Variants in TCP11L2 observed in about 807,000 individuals in gnomAD.
TCP11L2 encodes the protein T-complex protein 11-like protein 2.
TCP11L2 carries 39 observed loss-of-function variants against 50.7 expected under a neutral mutation model. That is an observed-to-expected ratio of 0.77 (90% CI 0.60 to 1.01). The LOEUF (loss-of-function observed/expected upper bound fraction) is 1.01. Among genes scored for constraint, TCP11L2 ranks in the 50% least tolerant of loss-of-function variants. The pLI, the probability that TCP11L2 is intolerant of heterozygous loss-of-function variation, is 0.00. For missense variants in TCP11L2, 612 were observed against 614.7 expected (o/e 1.00, Z 0.05); for synonymous variants, 192 against 219.3 (o/e 0.88, Z 1.10).
intron 5 of TCP11L2, 148 bp downstream of exon 5, chr12:106,321,854 A>G: frequency 1.5e-6 from 1 of 665,976 alleles, no homozygotes; most frequent in South Asian, 1.9e-5. Context: ...GACCATGTCA[A>G]TTATTTACTG....
Position 106,335,717 on chromosome 12 carries a change from C to T in TCP11L2, c.851C>T (p.Thr284Ile). 1 of 1,614,194 alleles carries T rather than the reference C, an allele frequency of 6.2e-7. No homozygotes were observed. The change falls in exon 7 of 10, where the codon ACT becomes ATT. Residue 284 changes from threonine (T) to isoleucine (I), a missense_variant. Thr to Ile is a moderately conservative substitution (Grantham distance 89, BLOSUM62 -1). Coordinates refer to ENST00000299045, the MANE Select transcript of TCP11L2 (RefSeq NM_152772.3). Reference protein sequence around the residue: ...ELFSLSESALTPGAENTSKPS... With the variant: ...ELFSLSESALIPGAENTSKPS... ...TTTTCTCTTTCTGAGAGTGCTTTAACTCCTGGGGCCGAAAATACCTCCAAG... is the reference window on the plus strand; with the variant it reads ...TTTTCTCTTTCTGAGAGTGCTTTAATTCCTGGGGCCGAAAATACCTCCAAG...
upstream of TCP11L2, among the ~76,000 whole-genome samples, chr12:106,300,812 T>C (rs1415789489): frequency 6.6e-6 from 1 of 152,232 alleles, no homozygotes; most frequent in African/African-American, 2.4e-5. Context: ...GCTGCTTTCC[T>C]GGTGGCTTTG....
intron 4 of TCP11L2, 119 bp from the exon 5 acceptor site, chr12:106,321,367 C>A: frequency 1.2e-6 from 1 of 801,940 alleles, no homozygotes; most frequent in Non-Finnish European, 2.0e-6. Flanking sequence ...GTGCCAACTT[C>A]TGTGGCATCT....
intron 1 of TCP11L2, among the ~76,000 whole-genome samples, chr12:106,305,725 G>A (rs553561601): frequency 4.6e-5 from 7 of 152,282 alleles, no homozygotes; most frequent in East Asian, 3.9e-4. Flanking sequence ...AGGTTACCTC[G>A]TAGTTGGTGA....
At chr12:106,312,189 C>A in intron 2 of TCP11L2, 1 of 382,030 alleles carries the variant, frequency 2.6e-6, no homozygotes. Context: ...TTTATGAATA[C>A]TTATTACTTT....
chr12:106,318,762 G>C (rs186883317), intron 4 of TCP11L2, among the ~76,000 whole-genome samples: 7 of 152,294 alleles, frequency 4.6e-5, no homozygotes, highest in African/African-American at 1.7e-4. Flanking sequence ...CTAGGCTGGA[G>C]TGCGGTGGCA....
intron 9 of TCP11L2, among the ~76,000 whole-genome samples, chr12:106,341,665 C>CAG (rs1312201921): frequency 6.6e-6 from 1 of 152,192 alleles, no homozygotes; most frequent in East Asian, 1.9e-4. Flanking sequence ...ACTAGTTTTC[C>CAG]CGCCTCCAGC....
intron 2 of TCP11L2, chr12:106,312,257 A>ATTTTTTTTTT: frequency 1.0e-5 from 3 of 291,620 alleles, no homozygotes; most frequent in Non-Finnish European, 2.0e-5. Context: ...TTTAGTTTCC[A>ATTTTTTTTTT]TTTTTTTTTT....
At chr12:106,322,057 C>T (rs887700540) in intron 5 of TCP11L2, among the ~76,000 whole-genome samples, 15 of 152,066 alleles carry the variant, frequency 9.9e-5, no homozygotes, top group East Asian at 1.9e-4. Flanking sequence ...ATAGAGCCTC[C>T]GACAAGGGAC....
chr12:106,341,314 C>G (rs1049757475), intron 9 of TCP11L2, among the ~76,000 whole-genome samples: 6 of 152,106 alleles, frequency 3.9e-5, no homozygotes, highest in Non-Finnish European at 8.8e-5. Flanking sequence ...GCAGTATGTT[C>G]ACAGATAGTA....
intron 6 of TCP11L2, among the ~76,000 whole-genome samples, chr12:106,328,404 T>G (rs2035630640): frequency 6.6e-6 from 1 of 151,932 alleles, no homozygotes; most frequent in Admixed American, 6.6e-5. Flanking sequence ...ATTAGCCGGG[T>G]GTGGTGGCGC....
intron 2 of TCP11L2, chr12:106,312,257 ATTTTTTT>A (rs55891003): frequency 1.4e-3 from 397 of 291,100 alleles, no homozygotes; most frequent in East Asian, 2.3e-3. Context: ...TTTAGTTTCC[ATTTTTTT>A]TTTTTTTTTT....
intron 9 of TCP11L2, among the ~76,000 whole-genome samples, chr12:106,344,549 G>A (rs1021180863): frequency 2.6e-5 from 4 of 152,150 alleles, no homozygotes; most frequent in Non-Finnish European, 5.9e-5. Context: ...AGATTGAAGG[G>A]CATTCTAGTA....
intron 3 of TCP11L2, among the ~76,000 whole-genome samples, chr12:106,315,391 T>G (rs1204311932): frequency 6.6e-6 from 1 of 152,210 alleles, no homozygotes; most frequent in Non-Finnish European, 1.5e-5. Context: ...TACAGACACC[T>G]GTAGCCCTTG....
rs951917388 is a variant in TCP11L2, at chr12:106,321,678, G to A, written c.607G>A (p.Ala203Thr). The A allele has an allele frequency of 1.2e-6, 2 of 1,614,040 alleles. No homozygotes were observed. The highest frequency in any genetic ancestry group is 1.3e-5 in the African/African-American group (1 of 74,906). Reference sequence around the variant, plus strand: ...AGATAATGATATCAGAGAGTTAAAGGCTACTGGCAACATCGTGGAGGTGCT... The same window carrying A: ...AGATAATGATATCAGAGAGTTAAAGACTACTGGCAACATCGTGGAGGTGCT... ...VRDNDIRELK[A>T]TGNIVEVLRQ... The change falls in exon 5 of 10, where the codon GCT becomes ACT. Residue 203 changes from alanine (A) to threonine (T), a missense_variant. Transcript: ENST00000299045.
chr12:106,333,524 T>C (rs1312557825), intron 6 of TCP11L2, among the ~76,000 whole-genome samples: 1 of 152,128 alleles, frequency 6.6e-6, no homozygotes, highest in African/African-American at 2.4e-5. Flanking sequence ...GGGTAATGGA[T>C]ATGGTTTATA....
chr12:106,302,146 G>A (rs1412613448), upstream of TCP11L2, among the ~76,000 whole-genome samples: 1 of 152,154 alleles, frequency 6.6e-6, no homozygotes, highest in African/African-American at 2.4e-5. Context: ...ACCCAGTTCC[G>A]ATTGCCCCGT....
In TCP11L2 at chr12:106,318,804, G is replaced by A. The variant is rs567442299; in HGVS notation, c.414+340G>A. On this transcript the variant is annotated intron_variant, in intron 4 of 9. Transcript: ENST00000299045. The stretch of plus-strand genomic sequence containing the variant: ...CGGCTCACTGCAACCTCTGCCTCCC[G>A]GGTTCAAGTAATTCTCCTGCCTCAG... 2.6e-3 allele frequency among the ~76,000 whole-genome samples: 401 copies of A among 152,306 alleles called. 1 individual carries two copies. Among genetic ancestry groups the A allele is most frequent in the African/African-American group, 8.0e-3 (334 of 41,576 alleles).
chr12:106,340,401 A>G (rs1248500848), intron 8 of TCP11L2, among the ~76,000 whole-genome samples: 2 of 152,200 alleles, frequency 1.3e-5, no homozygotes, highest in Non-Finnish European at 2.9e-5. Context: ...TTGGTGTTAT[A>G]GATTTACTGC....
Sources: allele counts gnomAD v4.1 joint callset (sites outside exome capture counted in the v4.1 genomes callset), GRCh38; gene constraint gnomAD v4.1.1; transcripts MANE v1.5; gene names NCBI Gene and HGNC (gene_info 2026-07-23, HGNC 2026-07-21).